The following PTPRO variants were observed in gnomAD, a reference collection of about 807,000 sequenced individuals.
PTPRO encodes receptor-type tyrosine-protein phosphatase O.
Under a neutral mutation model 145.2 loss-of-function variants are expected in PTPRO, and 62 were observed. The observed-to-expected ratio is 0.43, with a 90% CI of 0.35 to 0.53. The LOEUF (loss-of-function observed/expected upper bound fraction) is 0.53, where lower values mean the gene tolerates loss of function less well. PTPRO is among the 20% of genes least tolerant of loss of function. The probability of loss-of-function intolerance (pLI) is 0.01; values close to 1 mark genes in which losing one functional copy is unlikely to be tolerated. For synonymous variants in PTPRO, 565 were observed against 514.7 expected (o/e 1.10, Z -1.32); for missense variants, 1,345 against 1,482.7 (o/e 0.91, Z 1.53).
intron 9 of PTPRO, 83 bp downstream of exon 9, chr12:15,517,039 T>A: frequency 1.6e-6 from 2 of 1,279,964 alleles, no homozygotes; most frequent in East Asian, 2.3e-5. Context: ...TAAGAAATTA[T>A]CTATAAATTT....
rs1474781383 is a variant in PTPRO at position 15,502,160 on chromosome 12, AGTT to A, written c.1105+98_1105+100del. 4.2e-6 allele frequency: 5 copies of A among 1,200,680 alleles called. No homozygotes were observed. The African/African-American group carries it at 7.6e-5, about 18-fold the overall frequency. The allele number at this position is 1,200,680 out of a possible 1,614,324, so 74.4% of individuals were successfully genotyped here. A position where few individuals can be genotyped will look rare whatever the true frequency, so the allele number is the denominator to read the frequency against. On this transcript the variant is annotated intron_variant, in intron 5 of 26. Transcript: ENST00000281171. ...GAGTTTAGAAAGACTGATCATAGACAGTTATTAGTCAAAGAATAATGGTAATGA... is the reference window on the plus strand; with the variant it reads ...GAGTTTAGAAAGACTGATCATAGACAATTAGTCAAAGAATAATGGTAATGA...
At chr12:15,458,964 G>T (rs532520203) in intron 1 of PTPRO, among the ~76,000 whole-genome samples, 2 of 152,164 alleles carry the variant, frequency 1.3e-5, no homozygotes, top group East Asian at 3.9e-4. Flanking sequence ...TCATGGACTG[G>T]CCTCAAACAA....
At chr12:15,366,205 T>C (rs1280400348) in intron 1 of PTPRO, among the ~76,000 whole-genome samples, 4 of 152,250 alleles carry the variant, frequency 2.6e-5, no homozygotes, top group African/African-American at 9.6e-5. Context: ...TCCCTGAAGA[T>C]AAGTTGTATC....
intron 1 of PTPRO, among the ~76,000 whole-genome samples, chr12:15,372,562 G>C (rs1041385882): frequency 2.0e-5 from 3 of 152,180 alleles, no homozygotes; most frequent in Non-Finnish European, 4.4e-5. Context: ...CTATGATTTT[G>C]TGGGATTTTT....
intron 1 of PTPRO, among the ~76,000 whole-genome samples, chr12:15,383,034 C>T (rs1217863814): frequency 6.6e-6 from 1 of 152,144 alleles, no homozygotes; most frequent in Non-Finnish European, 1.5e-5. Context: ...CAATAATCAC[C>T]ACACTGTGCA....
At chr12:15,406,309 C>T (rs1170861408) in intron 1 of PTPRO, among the ~76,000 whole-genome samples, 1 of 152,086 alleles carries the variant, frequency 6.6e-6, no homozygotes, top group African/African-American at 2.4e-5. Context: ...GGGATACATG[C>T]AGAGATAAAT....
At chr12:15,529,540 G>A (rs1243818386) in intron 12 of PTPRO, among the ~76,000 whole-genome samples, 1 of 152,024 alleles carries the variant, frequency 6.6e-6, no homozygotes, top group Non-Finnish European at 1.5e-5. Context: ...CTACTTGGGA[G>A]GCTGAGGCAG....
At chr12:15,470,488 G>A (rs1380680150) in intron 1 of PTPRO, among the ~76,000 whole-genome samples, 1 of 152,024 alleles carries the variant, frequency 6.6e-6, no homozygotes, top group Non-Finnish European at 1.5e-5. Flanking sequence ...TAAAATCTTG[G>A]CACTTCTTTT....
At chr12:15,589,403 A>G (rs1270991431) in intron 24 of PTPRO, 52 bp from the exon 25 acceptor site, 21 of 1,604,572 alleles carry the variant, frequency 1.3e-5, no homozygotes, top group Non-Finnish European at 1.7e-5. Context: ...GAGGGGGGAG[A>G]AAAAAAAGAA....
chr12:15,436,728 G>C (rs1316258249), intron 1 of PTPRO, among the ~76,000 whole-genome samples: 1 of 152,204 alleles, frequency 6.6e-6, no homozygotes, highest in Non-Finnish European at 1.5e-5. Flanking sequence ...TGGTGCCCTA[G>C]CACCATGGCT....
At chr12:15,538,486 G>A (rs1565693299) in intron 12 of PTPRO, among the ~76,000 whole-genome samples, 1 of 152,166 alleles carries the variant, frequency 6.6e-6, no homozygotes, top group African/African-American at 2.4e-5. Flanking sequence ...GCCTCCCATA[G>A]TGCTGGGATT....
At chr12:15,520,155 C>A in intron 9 of PTPRO, 46 bp from the exon 10 acceptor site, 2 of 1,330,808 alleles carry the variant, frequency 1.5e-6, no homozygotes, top group Non-Finnish European at 2.2e-6. Context: ...AAAAATAGTA[C>A]TTTCTCCCAC....
chr12:15,586,773 G>A (rs1944437762), intron 23 of PTPRO, 124 bp from the exon 24 acceptor site: 1 of 1,057,734 alleles, frequency 9.5e-7, no homozygotes. Flanking sequence ...AGCTGGAAAG[G>A]AAAGTGTACT....
intron 1 of PTPRO, among the ~76,000 whole-genome samples, chr12:15,442,694 C>T (rs1220962654): frequency 6.6e-6 from 1 of 151,946 alleles, no homozygotes; most frequent in African/African-American, 2.4e-5. Flanking sequence ...TTTTATACAC[C>T]AATAGCATTC....
chr12:15,451,365 G>C (rs535276177), intron 1 of PTPRO, among the ~76,000 whole-genome samples: 4 of 152,016 alleles, frequency 2.6e-5, no homozygotes, highest in Non-Finnish European at 5.9e-5. Flanking sequence ...CTAGACCTAA[G>C]AAATGAGATA....
intron 1 of PTPRO, among the ~76,000 whole-genome samples, chr12:15,403,268 C>T (rs1462035586): frequency 1.3e-5 from 2 of 152,194 alleles, no homozygotes; most frequent in East Asian, 3.9e-4. Flanking sequence ...TCTGCCTGGA[C>T]AACTCTTCAG....
chr12:15,545,358 G>A (rs74063857), intron 12 of PTPRO, among the ~76,000 whole-genome samples: 1,654 of 151,682 alleles, frequency 0.011, 30 homozygotes, highest in African/African-American at 0.037. Context: ...GTCCAAATAA[G>A]CAATGTCAGG....
At chr12:15,425,733 T>TTTCATATATA (rs71042250) in intron 1 of PTPRO, among the ~76,000 whole-genome samples, 110,919 of 151,448 alleles carry the variant, frequency 0.73, 40,709 homozygotes, top group East Asian at 0.77. Context: ...CAAAATAGAT[T>TTTCATATATA]CATGCATTTT....
At chr12:15,581,594 G>A (rs74866521) in intron 22 of PTPRO, 85 bp from the exon 23 acceptor site, 24 of 1,492,742 alleles carry the variant, frequency 1.6e-5, no homozygotes, top group African/African-American at 4.1e-5. Flanking sequence ...CTTTAGAGGC[G>A]AATACCTTTG....
Sources: allele counts gnomAD v4.1 joint callset (sites outside exome capture counted in the v4.1 genomes callset), GRCh38; gene constraint gnomAD v4.1.1; transcripts MANE v1.5; gene names NCBI Gene and HGNC (gene_info 2026-07-23, HGNC 2026-07-21).